Variants in AGBL1 observed in about 807,000 individuals in gnomAD.
The protein encoded by AGBL1 is AGBL carboxypeptidase 1, also known as cytosolic carboxypeptidase 4.
Under a neutral mutation model 118.9 loss-of-function variants are expected in AGBL1, and 130 were observed. The observed-to-expected ratio is 1.09, with a 90% CI of 0.95 to 1.26. The LOEUF (loss-of-function observed/expected upper bound fraction) is 1.26, where lower values mean the gene tolerates loss of function less well. Among genes scored for constraint, AGBL1 ranks in the 50% most tolerant of loss-of-function variants. AGBL1 has a pLI of 0.00. For synonymous variants in AGBL1, 555 were observed against 478.9 expected (o/e 1.16, Z -2.08); for missense variants, 1,584 against 1,298.1 (o/e 1.22, Z -3.38).
intron 22 of AGBL1, among the ~76,000 whole-genome samples, chr15:86,816,088 C>T (rs551317533): frequency 1.3e-5 from 2 of 152,104 alleles, no homozygotes; most frequent in South Asian, 2.1e-4. Flanking sequence ...ATGGATAAGA[C>T]GTGTCAGTTA....
intron 24 of AGBL1, among the ~76,000 whole-genome samples, chr15:87,022,266 C>T (rs1016946379): frequency 6.6e-6 from 1 of 152,092 alleles, no homozygotes; most frequent in East Asian, 1.9e-4. Context: ...TTATTTAACA[C>T]CCCCCAAAAA....
chr15:87,012,321 T>A (rs1293863610), intron 24 of AGBL1, among the ~76,000 whole-genome samples: 1 of 149,370 alleles, frequency 6.7e-6, no homozygotes, highest in East Asian at 1.9e-4. Context: ...TTGATTTTTC[T>A]CATTTCCATA....
At chr15:86,438,840 T>C (rs1462951952) in intron 18 of AGBL1, among the ~76,000 whole-genome samples, 1 of 152,048 alleles carries the variant, frequency 6.6e-6, no homozygotes, top group Non-Finnish European at 1.5e-5. Flanking sequence ...TTTTATATTT[T>C]TAGTAGAATC....
At chr15:86,569,242 G>A (rs1404597027) in intron 21 of AGBL1, among the ~76,000 whole-genome samples, 5 of 150,368 alleles carry the variant, frequency 3.3e-5, no homozygotes, top group Non-Finnish European at 5.9e-5. Context: ...GACCAGCCTG[G>A]GCAATATAGG....
intron 21 of AGBL1, among the ~76,000 whole-genome samples, chr15:86,606,369 GTTTT>G (rs944598593): frequency 2.0e-5 from 3 of 152,008 alleles, no homozygotes; most frequent in Non-Finnish European, 4.4e-5. Flanking sequence ...CGTGAGATTA[GTTTT>G]AGTAAAATAA....
intron 1 of AGBL1, among the ~76,000 whole-genome samples, chr15:86,089,167 A>C (rs1895861285): frequency 6.6e-6 from 1 of 152,234 alleles, no homozygotes; most frequent in African/African-American, 2.4e-5. Context: ...TAATGGTTTT[A>C]GACCAATGCC....
At chr15:86,926,954 C>T (rs1372669095) in intron 23 of AGBL1, among the ~76,000 whole-genome samples, 1 of 151,886 alleles carries the variant, frequency 6.6e-6, no homozygotes, top group Non-Finnish European at 1.5e-5. Context: ...ATCTGGCCAA[C>T]ATAGTGTAAC....
chr15:86,139,907 G>T, intron 1 of AGBL1: 1 of 157,522 alleles, frequency 6.3e-6, no homozygotes, highest in African/African-American at 2.4e-5. Context: ...CAGTGGGGCA[G>T]CGGGAACTTG....
At chr15:86,889,356 G>T (rs1455567659) in intron 22 of AGBL1, among the ~76,000 whole-genome samples, 1 of 101,144 alleles carries the variant, frequency 9.9e-6, no homozygotes, top group African/African-American at 3.9e-5. Flanking sequence ...TTTCTGGGGG[G>T]TGGGTGGGGG....
At chr15:86,366,167 CAATCCTCCCCTACA>C (rs2080884743) in intron 17 of AGBL1, among the ~76,000 whole-genome samples, 1 of 152,094 alleles carries the variant, frequency 6.6e-6, no homozygotes, top group East Asian at 1.9e-4. Flanking sequence ...GGCTGTAACA[CAATCCTCCCCTACA>C]TTCTTCATTC....
chr15:86,556,848 G>A (rs377691313), intron 21 of AGBL1, among the ~76,000 whole-genome samples: 149 of 152,256 alleles, frequency 9.8e-4, no homozygotes, highest in African/African-American at 3.4e-3. Context: ...TCATAAGAAT[G>A]TAAATATTTT....
In AGBL1 at chr15:86,139,501, A is replaced by G. The variant is rs377531902; in HGVS notation, c.52-2503A>G. ...TCTGTGCTGTATTGAAAAATAAGCC[A>G]GCCGGGTGTGGTGGCTCATGCCTGT... On this transcript the variant is annotated intron_variant, in intron 1 of 22. Coordinates refer to ENST00000614907, the MANE Select transcript of AGBL1 (RefSeq NM_001386094.1). Among the ~76,000 whole-genome samples the G allele has an allele frequency of 1.6e-3, 247 of 152,188 alleles. 4 individuals are homozygous for G. The South Asian group carries it at 0.047, about 29-fold the overall frequency.
At chr15:86,556,298 C>G in intron 21 of AGBL1, 1 of 1,606,530 alleles carries the variant, frequency 6.2e-7, no homozygotes, top group Non-Finnish European at 8.5e-7. Context: ...ATTGGAGCAG[C>G]ATTTATCTTG....
At chr15:86,698,607 A>ATTT in intron 22 of AGBL1, among the ~76,000 whole-genome samples, 3 of 144,024 alleles carry the variant, frequency 2.1e-5, no homozygotes, top group African/African-American at 7.9e-5. Flanking sequence ...AGTGCTGATC[A>ATTT]TTGTTTTTTT....
At chr15:86,514,134 A>AC (rs1491496812) in intron 18 of AGBL1, among the ~76,000 whole-genome samples, 14 of 67,216 alleles carry the variant, frequency 2.1e-4, no homozygotes, top group Admixed American at 1.4e-3. Context: ...ATACACACAC[A>AC]AACACACACA....
chr15:86,616,617 T>A (rs1013748199), intron 21 of AGBL1, among the ~76,000 whole-genome samples: 2 of 152,220 alleles, frequency 1.3e-5, no homozygotes, highest in African/African-American at 2.4e-5. Context: ...ATCCTATGCC[T>A]ACATAATGTT....
At chr15:86,825,692 GGAGGGAGGGAGGGAGAAAGCGAGA>G (rs1180565052) in intron 22 of AGBL1, among the ~76,000 whole-genome samples, 2 of 138,550 alleles carry the variant, frequency 1.4e-5, no homozygotes, top group Admixed American at 7.1e-5. Flanking sequence ...AGGGAGAGAG[GGAGGGAGGGAGGGAGAAAGCGAGA>G]GAGGGAGGGA....
intron 20 of AGBL1, among the ~76,000 whole-genome samples, chr15:86,547,137 A>G (rs1473164655): frequency 6.6e-6 from 1 of 152,170 alleles, no homozygotes; most frequent in Admixed American, 6.6e-5. Flanking sequence ...CTTATCCTCA[A>G]TAACCTGTTT....
chr15:86,147,160 T>C (rs1399680300), intron 3 of AGBL1, among the ~76,000 whole-genome samples: 3 of 152,162 alleles, frequency 2.0e-5, no homozygotes, highest in Non-Finnish European at 4.4e-5. Context: ...GATGGCCCAA[T>C]AGGAACAGCT....
Sources: allele counts gnomAD v4.1 joint callset (sites outside exome capture counted in the v4.1 genomes callset), GRCh38; gene constraint gnomAD v4.1.1; transcripts MANE v1.5; gene names NCBI Gene and HGNC (gene_info 2026-07-23, HGNC 2026-07-21).